KSR2: variants seen among roughly 807,000 people sequenced by gnomAD.
KSR2 encodes the protein kinase suppressor of ras 2.
KSR2 carries 25 observed loss-of-function variants against 107.8 expected under a neutral mutation model. The observed-to-expected ratio is 0.23, with a 90% confidence interval of 0.17 to 0.32. The LOEUF (loss-of-function observed/expected upper bound fraction) is 0.32. Ranked by LOEUF, KSR2 falls within the 10% of genes least tolerant of loss-of-function variation. The pLI, the probability that KSR2 is intolerant of heterozygous loss-of-function variation, is 1.00. For missense variants in KSR2, 887 were observed against 1,268.9 expected, an observed-to-expected ratio of 0.70 and a Z score of 4.57; for synonymous variants, 480 against 507.0, an observed-to-expected ratio of 0.95 and a Z score of 0.71.
chr12:117,553,422 C>T (rs989852898), intron 9 of KSR2, among the ~76,000 whole-genome samples: 3 of 152,132 alleles, frequency 2.0e-5, no homozygotes, highest in Non-Finnish European at 2.9e-5. Context: ...TTAAGCAGGG[C>T]ATGACATAAT....
intron 3 of KSR2, among the ~76,000 whole-genome samples, chr12:117,776,576 A>T (rs1200386093): frequency 1.3e-5 from 2 of 152,134 alleles, no homozygotes; most frequent in Non-Finnish European, 2.9e-5. Context: ...GGGTAACTGG[A>T]TCTGACATTG....
intron 5 of KSR2, among the ~76,000 whole-genome samples, chr12:117,584,546 G>C (rs1879878367): frequency 6.6e-6 from 1 of 152,116 alleles, no homozygotes; most frequent in Non-Finnish European, 1.5e-5. Context: ...AGGCTCAACA[G>C]GAAAGGGCAC....
intron 1 of KSR2, among the ~76,000 whole-genome samples, chr12:117,874,111 C>T (rs1447428734): frequency 6.6e-6 from 1 of 152,232 alleles, no homozygotes; most frequent in Non-Finnish European, 1.5e-5. Flanking sequence ...GCGGGAAAGG[C>T]ACTGACCCTT....
At chr12:117,821,404 C>T (rs1476430039) in intron 3 of KSR2, among the ~76,000 whole-genome samples, 1 of 152,138 alleles carries the variant, frequency 6.6e-6, no homozygotes, top group Non-Finnish European at 1.5e-5. Flanking sequence ...GATCTACTTC[C>T]ACTTAATGAA....
At chr12:117,786,902 G>A (rs1890097025) in intron 3 of KSR2, among the ~76,000 whole-genome samples, 1 of 152,072 alleles carries the variant, frequency 6.6e-6, no homozygotes, top group Non-Finnish European at 1.5e-5. Flanking sequence ...GGTGTTGCAA[G>A]CCTGTAATCC....
rs369453129 is a variant in KSR2, at chr12:117,730,311, G to A, written c.986+30700C>T. Among the ~76,000 whole-genome samples the A allele has an allele frequency of 8.5e-5, 13 of 152,186 alleles. No individual in the cohort carries two copies. The South Asian group carries it at 1.7e-3, about 19-fold the overall frequency. Reference sequence around the variant, plus strand: ...AACGGATGATGATAAAACCTACCTCGTGGGATGCTATAAACTGATACTATA... The same window carrying A: ...AACGGATGATGATAAAACCTACCTCATGGGATGCTATAAACTGATACTATA... On this transcript the variant is annotated intron_variant, in intron 4 of 19. Transcript: ENST00000339824.
intron 5 of KSR2, among the ~76,000 whole-genome samples, chr12:117,608,858 C>T (rs1214279152): frequency 6.6e-6 from 1 of 152,002 alleles, no homozygotes; most frequent in African/African-American, 2.4e-5. Context: ...TCTGGGTGGG[C>T]TAATGAATAG....
At chr12:117,927,268 C>T (rs964459141) in intron 1 of KSR2, among the ~76,000 whole-genome samples, 17 of 151,710 alleles carry the variant, frequency 1.1e-4, no homozygotes, top group South Asian at 4.2e-4. Flanking sequence ...CCCAGCTACT[C>T]GGGAGGCTGA....
chr12:117,823,483 A>T (rs7960736), intron 3 of KSR2, among the ~76,000 whole-genome samples: 1 of 151,896 alleles, frequency 6.6e-6, no homozygotes, highest in South Asian at 2.1e-4. Context: ...AGGCTCCCAG[A>T]GTTCCAACTT....
intron 1 of KSR2, among the ~76,000 whole-genome samples, chr12:117,945,663 G>C (rs1896160233): frequency 6.6e-6 from 1 of 152,216 alleles, no homozygotes; most frequent in Non-Finnish European, 1.5e-5. Flanking sequence ...GACAGAGTGA[G>C]ACTCCGTCTC....
At chr12:117,920,929 A>G (rs1248300213) in intron 1 of KSR2, among the ~76,000 whole-genome samples, 1 of 152,202 alleles carries the variant, frequency 6.6e-6, no homozygotes, top group Non-Finnish European at 1.5e-5. Context: ...CGCTGTAGGT[A>G]GAAACACAAC....
chr12:117,614,240 C>T (rs1333732812), intron 5 of KSR2, among the ~76,000 whole-genome samples: 2 of 152,010 alleles, frequency 1.3e-5, no homozygotes, highest in Non-Finnish European at 2.9e-5. Flanking sequence ...AAAGGATGTA[C>T]CCAGACTGGT....
At chr12:117,598,628 T>G (rs1467852771) in intron 5 of KSR2, among the ~76,000 whole-genome samples, 1 of 152,216 alleles carries the variant, frequency 6.6e-6, no homozygotes, top group Non-Finnish European at 1.5e-5. Context: ...CCAACATCTA[T>G]TATTTTTTAA....
chr12:117,471,794 TAAA>T (rs774726153), intron 17 of KSR2, among the ~76,000 whole-genome samples: 2 of 151,968 alleles, frequency 1.3e-5, no homozygotes, highest in Non-Finnish European at 2.9e-5. Context: ...TTTGCTGACA[TAAA>T]AAATGCTCAA....
intron 14 of KSR2, among the ~76,000 whole-genome samples, chr12:117,509,910 G>T (rs568126164): frequency 6.6e-6 from 1 of 152,310 alleles, no homozygotes; most frequent in South Asian, 2.1e-4. Context: ...CTTCTCAGCT[G>T]CATACTTTCT....
At chr12:117,696,544 T>G (rs1886067180) in intron 4 of KSR2, among the ~76,000 whole-genome samples, 1 of 146,910 alleles carries the variant, frequency 6.8e-6, no homozygotes, top group Non-Finnish European at 1.5e-5. Flanking sequence ...TTGTACAAAG[T>G]AGGGGGGCTT....
chr12:117,645,408 C>T (rs542115291), intron 5 of KSR2, among the ~76,000 whole-genome samples: 17 of 152,268 alleles, frequency 1.1e-4, no homozygotes, highest in Non-Finnish European at 2.5e-4. Flanking sequence ...ATCTTGGAGG[C>T]CTCCATGCCA....
intron 3 of KSR2, among the ~76,000 whole-genome samples, chr12:117,847,090 G>A (rs1892732370): frequency 1.3e-5 from 2 of 152,248 alleles, no homozygotes; most frequent in Non-Finnish European, 2.9e-5. Flanking sequence ...AGGAGGGCTG[G>A]AGAAGTTACA....
At chr12:117,590,643 T>C (rs1880264424) in intron 5 of KSR2, among the ~76,000 whole-genome samples, 1 of 152,218 alleles carries the variant, frequency 6.6e-6, no homozygotes, top group South Asian at 2.1e-4. Context: ...GACTATGACT[T>C]AGTGCCAGAG....
Sources: gnomAD v4.1 joint callset for allele counts (sites outside exome capture counted in the v4.1 genomes callset) on GRCh38, gnomAD v4.1.1 for gene constraint, MANE v1.5 for transcripts, NCBI Gene and HGNC (gene_info 2026-07-23, HGNC 2026-07-21) for gene names.